The following SCEL variants were observed in gnomAD, a reference collection of about 807,000 sequenced individuals.
SCEL encodes sciellin.
Under a neutral mutation model 117.6 loss-of-function variants are expected in SCEL, and 113 were observed. The ratio of observed to expected loss-of-function variants is 0.96; its 90% CI spans 0.83 to 1.12. The LOEUF is 1.12. SCEL is among the 50% of genes most tolerant of loss of function. SCEL has a pLI of 0.00. For synonymous variants in SCEL, 270 were observed against 256.2 expected (o/e 1.05, Z -0.51); for missense variants, 785 against 810.8 (o/e 0.97, Z 0.39).
At chr13:77,538,643 T>C (rs1273900889) in intron 1 of SCEL, among the ~76,000 whole-genome samples, 1 of 152,208 alleles carries the variant, frequency 6.6e-6, no homozygotes, top group Non-Finnish European at 1.5e-5. Flanking sequence ...TGATACTTAA[T>C]TGGAACAGTG....
intron 16 of SCEL, 67 bp downstream of exon 16, chr13:77,602,191 T>A: frequency 1.5e-6 from 2 of 1,314,484 alleles, no homozygotes; most frequent in South Asian, 2.6e-5. Context: ...TCATTAGGAA[T>A]GGGAGTGTTA....
intron 3 of SCEL, among the ~76,000 whole-genome samples, chr13:77,557,826 G>A (rs564735636): frequency 8.5e-5 from 13 of 152,302 alleles, no homozygotes; most frequent in African/African-American, 3.1e-4. Flanking sequence ...TAGTCCTGCA[G>A]TTGGGAAATC....
chr13:77,600,518 G>A (rs376426561), intron 15 of SCEL, among the ~76,000 whole-genome samples: 1 of 152,182 alleles, frequency 6.6e-6, no homozygotes, highest in African/African-American at 2.4e-5. Flanking sequence ...ATACGTATTT[G>A]TAAATACCTT....
At chr13:77,572,434 A>G (rs1393728110) in intron 9 of SCEL, among the ~76,000 whole-genome samples, 1 of 152,190 alleles carries the variant, frequency 6.6e-6, no homozygotes, top group Non-Finnish European at 1.5e-5. Context: ...CTTAGAGCCA[A>G]AATAAATGAG....
chr13:77,575,816 T>C (rs1218157523), intron 9 of SCEL, among the ~76,000 whole-genome samples: 2 of 152,240 alleles, frequency 1.3e-5, no homozygotes. Context: ...AAATAACCAA[T>C]ACAGTGTTTT....
chr13:77,627,728 GTTCT>G (rs2089814389), intron 27 of SCEL, among the ~76,000 whole-genome samples: 2 of 151,950 alleles, frequency 1.3e-5, no homozygotes, highest in Admixed American at 1.3e-4. Flanking sequence ...CAAAAAGTTA[GTTCT>G]TTATTTCTCT....
intron 1 of SCEL, among the ~76,000 whole-genome samples, chr13:77,550,387 A>AATATATAT (rs71203062): frequency 2.1e-5 from 3 of 144,504 alleles, no homozygotes; most frequent in African/African-American, 5.1e-5. Context: ...CTTTGTCTAA[A>AATATATAT]ATATATATAT....
chr13:77,539,073 AG>A (rs1288038496), intron 1 of SCEL, among the ~76,000 whole-genome samples: 1 of 152,164 alleles, frequency 6.6e-6, no homozygotes, highest in African/African-American at 2.4e-5. Context: ...TGTGTGTAAA[AG>A]TTTAAAAGAA....
chr13:77,642,670 A>G (rs772308584), intron 31 of SCEL, 36 bp from the exon 32 acceptor site: 1 of 1,248,000 alleles, frequency 8.0e-7, no homozygotes, highest in Non-Finnish European at 1.1e-6. Context: ...GATTTCATTT[A>G]CAATGGAAAC....
At chr13:77,576,228 T>C (rs2085933288) in intron 9 of SCEL, among the ~76,000 whole-genome samples, 1 of 152,222 alleles carries the variant, frequency 6.6e-6, no homozygotes, top group South Asian at 2.1e-4. Flanking sequence ...TATATCAGTC[T>C]GTATGATCTT....
Position 77,609,963 on chromosome 13 carries a change from A to G in SCEL, c.1278-84A>G, listed in dbSNP as rs191956223. ...TTTATTATTTTAATAAATATTTTAT[A>G]ATAAAAGTATTTCTCTGTTTTAACA... On this transcript the variant is annotated intron_variant, in intron 21 of 32. Transcript: ENST00000349847. 40 of 727,624 alleles carry G rather than the reference A, an allele frequency of 5.5e-5. 2 individuals carry two copies. The East Asian group carries it at 1.3e-3, about 23-fold the overall frequency. 45.1% of individuals were successfully genotyped at this position (727,624 alleles called of 1,614,324 possible). A position where few individuals can be genotyped will look rare whatever the true frequency, so the allele number is the denominator to read the frequency against.
rs569934911 is a variant in SCEL at position 77,551,676 on chromosome 13, T to TTTTG, written c.-19-4161_-19-4158dup. On this transcript the variant is annotated intron_variant, in intron 1 of 32. Coordinates refer to ENST00000349847, the MANE Select transcript of SCEL (RefSeq NM_144777.3). Reference sequence around the variant, plus strand: ...AGTACCCACCCTAAGGGCCTCGTTTTTTTGTTTGTTTGTTTGTTTGTTTTA... The same window carrying TTTTG: ...AGTACCCACCCTAAGGGCCTCGTTTTTTTGTTTGTTTGTTTGTTTGTTTGTTTTA... Among the ~76,000 whole-genome samples the TTTTG allele has an allele frequency of 2.1e-4, 32 of 152,240 alleles. No individual in the cohort carries two copies. The East Asian group carries it at 4.2e-3, about 20-fold the overall frequency.
At chr13:77,585,752 C>T (rs916107332) in intron 9 of SCEL, among the ~76,000 whole-genome samples, 1 of 152,158 alleles carries the variant, frequency 6.6e-6, no homozygotes, top group African/African-American at 2.4e-5. Flanking sequence ...CCTGACCCAA[C>T]CTAATATCAC....
intron 1 of SCEL, 89 bp downstream of exon 1, chr13:77,535,913 C>T (rs1462675451): frequency 6.6e-6 from 1 of 152,224 alleles, no homozygotes; most frequent in Non-Finnish European, 1.5e-5. Flanking sequence ...AAAATTAGAA[C>T]TTACTGTATT....
Position 77,637,197 on chromosome 13 carries a change from G to A in SCEL, c.1838+3G>A, listed in dbSNP as rs1183810950. The A allele has an allele frequency of 6.7e-7, 1 of 1,492,186 alleles. No individual in the cohort carries two copies. The highest frequency in any genetic ancestry group is 9.1e-7 in the Non-Finnish European group (1 of 1,100,626). 92.4% of individuals were successfully genotyped at this position (1,492,186 alleles called of 1,614,324 possible). ...ACTGTTTATTCAACTTCTGATAGGT[G>A]AGTATGTCTTTATTTCCATACATAA... On this transcript the variant is annotated splice_donor_region_variant and intron_variant, in intron 30 of 32. Transcript: ENST00000349847.
intron 24 of SCEL, among the ~76,000 whole-genome samples, chr13:77,615,043 AT>A (rs1389223183): frequency 1.3e-5 from 2 of 152,156 alleles, no homozygotes; most frequent in African/African-American, 2.4e-5. Flanking sequence ...AGTTTAATAT[AT>A]TACATTTTGG....
intron 9 of SCEL, among the ~76,000 whole-genome samples, chr13:77,585,813 A>G (rs2086531780): frequency 6.6e-6 from 1 of 151,942 alleles, no homozygotes; most frequent in Non-Finnish European, 1.5e-5. Context: ...GTCATTTGTC[A>G]TTGCCAAAAT....
intron 10 of SCEL, among the ~76,000 whole-genome samples, chr13:77,589,853 A>G (rs1594042335): frequency 1.3e-5 from 2 of 152,298 alleles, no homozygotes; most frequent in Non-Finnish European, 1.5e-5. Context: ...CTGTCACTCT[A>G]TAATTAATAC....
intron 21 of SCEL, 85 bp downstream of exon 21, chr13:77,609,202 C>A: frequency 9.5e-7 from 1 of 1,057,982 alleles, no homozygotes; most frequent in Non-Finnish European, 1.4e-6. Flanking sequence ...CTGACTGATG[C>A]TGAACCCAAT....
Sources: gnomAD v4.1 joint callset for allele counts (sites outside exome capture counted in the v4.1 genomes callset) on GRCh38, gnomAD v4.1.1 for gene constraint, MANE v1.5 for transcripts, NCBI Gene and HGNC (gene_info 2026-07-23, HGNC 2026-07-21) for gene names.